Variants in SLC30A5 observed in about 807,000 individuals in gnomAD.
SLC30A5 encodes the protein solute carrier family 30 member 5.
SLC30A5 carries 33 observed loss-of-function variants against 79.6 expected under a neutral mutation model. The ratio of observed to expected loss-of-function variants is 0.41; its 90% CI spans 0.31 to 0.55. The LOEUF (loss-of-function observed/expected upper bound fraction) is 0.55, where lower values mean the gene tolerates loss of function less well. SLC30A5 is among the 20% of genes least tolerant of loss of function. The probability of loss-of-function intolerance (pLI) is 0.20; values close to 1 mark genes in which losing one functional copy is unlikely to be tolerated. For synonymous variants in SLC30A5, 299 were observed against 319.7 expected (o/e 0.94, Z 0.69); for missense variants, 788 against 928.1 (o/e 0.85, Z 1.96).
At chr5:69,103,909 T>A (rs1417811551) in intron 3 of SLC30A5, 3 of 1,330,850 alleles carry the variant, frequency 2.3e-6, no homozygotes, top group Non-Finnish European at 3.1e-6. Context: ...GAACATTTTT[T>A]AAAATATGAT....
In SLC30A5 at chr5:69,128,096, G is replaced by A; in HGVS notation, c.2091G>A (p.Val697=). ...TGGCAGGAACAATTCATATACAGGT[G>A]ACATCTGATGTGCTAGAACAAAGAA... ...SIVAGTIHIQ[V]TSDVLEQRIV... The change falls in exon 15 of 16, where the codon GTG becomes GTA. Residue 697 remains valine, a synonymous_variant. Coordinates refer to ENST00000396591, the MANE Select transcript of SLC30A5 (RefSeq NM_022902.5). 6.2e-7 allele frequency: 1 copy of A among 1,612,066 alleles called. No homozygotes were observed. The highest frequency in any genetic ancestry group is 8.5e-7 in the Non-Finnish European group (1 of 1,178,944).
intron 7 of SLC30A5, 48 bp downstream of exon 7, chr5:69,114,544 T>C (rs1172539104): frequency 2.7e-6 from 3 of 1,130,910 alleles, no homozygotes; most frequent in Non-Finnish European, 4.0e-6. Context: ...TGAAAAGTTG[T>C]AGCAACTATA....
rs779257627 is a variant in SLC30A5 at position 69,104,090 on chromosome 5, C to T, written c.274-541C>T. The T allele has an allele frequency of 6.7e-6, 10 of 1,500,812 alleles. No homozygotes were observed. The Middle Eastern group carries it at 7.0e-4, about 105-fold the overall frequency. 93.0% of individuals were successfully genotyped at this position (1,500,812 alleles called of 1,614,324 possible). A position where few individuals can be genotyped will look rare whatever the true frequency, so the allele number is the denominator to read the frequency against. On this transcript the variant is annotated intron_variant, in intron 3 of 15. Coordinates refer to ENST00000396591, the MANE Select transcript of SLC30A5 (RefSeq NM_022902.5). ...CTGAAGAAAAAGATTTCAAAATCTA[C>T]CAGCAGACAAGAATATAGATAATGG...
intron 1 of SLC30A5, among the ~76,000 whole-genome samples, chr5:69,100,238 G>A (rs1561286680): frequency 6.6e-6 from 1 of 152,080 alleles, no homozygotes; most frequent in Non-Finnish European, 1.5e-5. Flanking sequence ...AAAGTGCTGG[G>A]ATTACAGGCA....
At chr5:69,102,262 C>T (rs951217297) in intron 2 of SLC30A5, among the ~76,000 whole-genome samples, 1 of 151,260 alleles carries the variant, frequency 6.6e-6, no homozygotes, top group Non-Finnish European at 1.5e-5. Flanking sequence ...CCATGTTGGC[C>T]AGGCTGGTCT....
chr5:69,100,863 T>A lies in SLC30A5; in HGVS notation c.140T>A (p.Leu47His), dbSNP rs1561286997. ...ACTAAATTTTTGAAGGCTGTGGGAC[T>A]TTTCGAATCATATGATCTCCTAAAA... ...CFTKFLKAVG[L>H]FESYDLLKAV... The change falls in exon 2 of 16, where the codon CTT (leucine) becomes CAT (histidine). Residue 47 changes from leucine to histidine, a missense_variant. By Grantham distance (99) the Leu-to-His change is moderately conservative (BLOSUM62 -3). Around this residue, in one of 3 missense-constraint regions of SLC30A5, gnomAD observed 626 missense variants for 755.5 expected, o/e 0.83. Transcript: ENST00000396591. 6 of 1,611,202 alleles carry A rather than the reference T, an allele frequency of 3.7e-6. No homozygotes were observed. Among genetic ancestry groups the A allele is most frequent in the Non-Finnish European group, 5.1e-6 (6 of 1,177,820 alleles).
chr5:69,107,041 C>A (rs770090472), intron 4 of SLC30A5, among the ~76,000 whole-genome samples: 1 of 151,960 alleles, frequency 6.6e-6, no homozygotes, highest in South Asian at 2.1e-4. Context: ...ACTTTTGTAT[C>A]TTTTTTGATA....
Position 69,118,515 on chromosome 5 carries a change from A to G in SLC30A5, c.1456A>G (p.Ile486Val). Residue 486 changes from isoleucine (I) to valine (V), a missense_variant, in exon 12 of 16, where the codon ATT (isoleucine) becomes GTT (valine). By Grantham distance (29) the Ile-to-Val change is conservative. Transcript: ENST00000396591. ...TGTTTTTAGGTACGGCCGAATAGAA[A>G]TTCTGTCTGGATTTATTAATGGACT... ...IFSYGYGRIE[I>V]LSGFINGLFL... The G allele has an allele frequency of 2.5e-6, 4 of 1,599,498 alleles. No homozygotes were observed. The highest frequency in any genetic ancestry group is 3.4e-6 in the Non-Finnish European group (4 of 1,174,470).
At chr5:69,118,234 A>G (rs1746430268) in intron 11 of SLC30A5, 1 of 151,062 alleles carries the variant, frequency 6.6e-6, no homozygotes, top group African/African-American at 2.5e-5. Flanking sequence ...ACATTTTAAC[A>G]AATGTATATA....
intron 1 of SLC30A5, among the ~76,000 whole-genome samples, chr5:69,097,906 T>A (rs1176123868): frequency 6.6e-6 from 1 of 152,020 alleles, no homozygotes; most frequent in Non-Finnish European, 1.5e-5. Flanking sequence ...CCAGGCTAAG[T>A]AACCTATATT....
Position 69,116,555 on chromosome 5 carries a change from G to C in SLC30A5, c.1234G>C (p.Glu412Gln). Residue 412 changes from glutamate (E) to glutamine (Q), a missense_variant, in exon 10 of 16, where the codon GAG (glutamate) becomes CAG (glutamine). This residue lies in a region of SLC30A5 where 626 missense variants were observed against 755.5 expected (regional missense o/e 0.83). Coordinates refer to ENST00000396591, the MANE Select transcript of SLC30A5 (RefSeq NM_022902.5). This position sits in a 1 kb window ranked among gnomAD's most constrained non-coding sequence, Gnocchi z 4.0. ...TAAGGAATCACTAAAACAAATTCTT[G>C]AGGAGAGTGACTCTAGGCAGATCTT... ...FIKESLKQIL[E>Q]ESDSRQIFYF... 1 of 1,609,764 alleles carries C rather than the reference G, an allele frequency of 6.2e-7. No homozygotes were observed. Among genetic ancestry groups the C allele is most frequent in the Non-Finnish European group, 8.5e-7 (1 of 1,178,770 alleles).
intron 8 of SLC30A5, 60 bp downstream of exon 8, chr5:69,115,467 A>C: frequency 7.4e-7 from 1 of 1,356,988 alleles, no homozygotes. Flanking sequence ...TTGCTATTAA[A>C]TTTTTAGTTC....
At chr5:69,109,409 T>G (rs1746170795) in intron 5 of SLC30A5, among the ~76,000 whole-genome samples, 1 of 152,100 alleles carries the variant, frequency 6.6e-6, no homozygotes, top group African/African-American at 2.4e-5. Context: ...TTACTCAGAT[T>G]TTACCAATTT....
At chr5:69,126,148 A>C (rs990007159) in intron 14 of SLC30A5, among the ~76,000 whole-genome samples, 2 of 152,210 alleles carry the variant, frequency 1.3e-5, no homozygotes, top group African/African-American at 4.8e-5. Flanking sequence ...CTCGTGGTTT[A>C]CTACATCATA....
chr5:69,118,356 A>T, intron 11 of SLC30A5, 143 bp from the exon 12 acceptor site: 1 of 315,790 alleles, frequency 3.2e-6, no homozygotes, highest in Non-Finnish European at 5.6e-6. Context: ...TCCAGGCATT[A>T]ATATGATATT....
At chr5:69,102,163 G>A (rs1032565388) in intron 2 of SLC30A5, among the ~76,000 whole-genome samples, 3 of 143,194 alleles carry the variant, frequency 2.1e-5, no homozygotes, top group Admixed American at 7.4e-5. Context: ...AAGCAATTCT[G>A]TCTCAGCCTC....
chr5:69,127,473 C>CAAAAAAAAAAAAA (rs70989993), intron 14 of SLC30A5, among the ~76,000 whole-genome samples: 1 of 77,888 alleles, frequency 1.3e-5, no homozygotes, highest in African/African-American at 3.8e-5. Flanking sequence ...TACTAAAATA[C>CAAAAAAAAAAAAA]AAAAAAAAAA....
Position 69,116,299 on chromosome 5 carries a change from T to G in SLC30A5, c.1072+85T>G. The stretch of plus-strand genomic sequence containing the variant: ...ACATCATTTACTTATTTTGGGAAAT[T>G]CTTCAGTGCTTGCATTTAGTGCCGA... On this transcript the variant is annotated intron_variant, in intron 9 of 15. Transcript: ENST00000396591. The surrounding 1 kb of genome is among the most constrained non-coding windows in gnomAD (Gnocchi z 4.0). 1 of 1,501,088 alleles carries G rather than the reference T, an allele frequency of 6.7e-7. No individual in the cohort carries two copies. The highest frequency in any genetic ancestry group is 2.3e-5 in the East Asian group (1 of 43,840). The allele number at this position is 1,501,088 out of a possible 1,614,324, so 93.0% of individuals were successfully genotyped here.
intron 5 of SLC30A5, among the ~76,000 whole-genome samples, chr5:69,109,790 A>G (rs1376080017): frequency 1.3e-5 from 2 of 152,158 alleles, no homozygotes; most frequent in Non-Finnish European, 2.9e-5. Flanking sequence ...GTTTTACCAA[A>G]TTAAACACTT....
Sources: gnomAD v4.1 joint callset for allele counts (sites outside exome capture counted in the v4.1 genomes callset) on GRCh38, gnomAD v4.1.1 for gene constraint, gnomAD v4.1.1 regional missense constraint, Gnocchi (gnomAD v3.1) non-coding constraint, MANE v1.5 for transcripts, NCBI Gene and HGNC (gene_info 2026-07-23, HGNC 2026-07-21) for gene names.